The following ARSK variants were observed in gnomAD, a reference collection of about 807,000 sequenced individuals.
ARSK encodes the protein arylsulfatase K.
ARSK carries 37 observed loss-of-function variants against 53.2 expected under a neutral mutation model. The observed-to-expected ratio is 0.70, with a 90% CI of 0.54 to 0.92. The LOEUF (loss-of-function observed/expected upper bound fraction) is 0.92. Among genes scored for constraint, ARSK ranks in the 40% least tolerant of loss-of-function variants. The pLI is 0.00. For synonymous variants in ARSK, 208 were observed against 223.2 expected, an observed-to-expected ratio of 0.93 and a Z score of 0.61; for missense variants, 613 against 643.0, an observed-to-expected ratio of 0.95 and a Z score of 0.51.
At chr5:95,579,906 A>C (rs932769306) in intron 3 of ARSK, among the ~76,000 whole-genome samples, 14 of 152,194 alleles carry the variant, frequency 9.2e-5, no homozygotes, top group Non-Finnish European at 4.4e-5. Flanking sequence ...CTTCCACTGC[A>C]CACTGTGTGT....
At position 95,604,298 on chromosome 5, in the gene ARSK, G is replaced by A. The variant is rs929010832; in HGVS notation, c.*772G>A. 1 of 152,098 alleles carries A rather than the reference G, an allele frequency of 6.6e-6. No homozygotes were observed. The allele number at this position is 152,098 out of a possible 1,614,324, so 9.4% of individuals were successfully genotyped here. The stretch of plus-strand genomic sequence containing the variant: ...ATTTTGTTACTGTTTTATTTTAATA[G>A]GTAATATATATACAGGGTAAAAGCT... On this transcript the variant is annotated 3_prime_UTR_variant, in exon 8 of 8. Transcript: ENST00000380009.
chr5:95,602,652 C>T (rs1420472863), intron 7 of ARSK, among the ~76,000 whole-genome samples: 2 of 152,126 alleles, frequency 1.3e-5, no homozygotes, highest in Non-Finnish European at 2.9e-5. Flanking sequence ...TAAAAAGTAT[C>T]TTTATGGATC....
At chr5:95,563,854 TC>T (rs1748679409) in intron 1 of ARSK, among the ~76,000 whole-genome samples, 1 of 152,084 alleles carries the variant, frequency 6.6e-6, no homozygotes, top group African/African-American at 2.4e-5. Context: ...AATTGTTATC[TC>T]CCCATGTTCA....
At chr5:95,570,429 G>A (rs1365082442) in intron 3 of ARSK, among the ~76,000 whole-genome samples, 1 of 152,196 alleles carries the variant, frequency 6.6e-6, no homozygotes, top group Admixed American at 6.5e-5. Flanking sequence ...CATGTAGGAG[G>A]AGGAGCACAG....
At chr5:95,586,442 C>T in intron 4 of ARSK, 120 bp from the exon 5 acceptor site, 1 of 757,160 alleles carries the variant, frequency 1.3e-6, no homozygotes, top group Non-Finnish European at 2.2e-6. Context: ...TACATATTTA[C>T]ACTGTTCTTT....
intron 4 of ARSK, 58 bp from the exon 5 acceptor site, chr5:95,586,503 TG>T (rs1749114693): frequency 1.5e-6 from 2 of 1,300,086 alleles, no homozygotes; most frequent in African/African-American, 3.0e-5. Context: ...ACATACTTAT[TG>T]GAGGAAAGAA....
intron 1 of ARSK, among the ~76,000 whole-genome samples, chr5:95,565,136 C>CT (rs995848682): frequency 4.6e-5 from 7 of 152,162 alleles, no homozygotes; most frequent in Non-Finnish European, 8.8e-5. Context: ...CTGGAACATT[C>CT]TTTTTTCTGT....
chr5:95,586,832 C>A, intron 5 of ARSK, 99 bp downstream of exon 5: 1 of 1,036,342 alleles, frequency 9.6e-7, no homozygotes, highest in Non-Finnish European at 1.4e-6. Context: ...TACAAAGTTG[C>A]TTATAACTAT....
intron 6 of ARSK, among the ~76,000 whole-genome samples, chr5:95,592,013 A>G (rs545728481): frequency 6.6e-6 from 1 of 152,332 alleles, no homozygotes; most frequent in South Asian, 2.1e-4. Flanking sequence ...TAGTATGAAC[A>G]TATTCCTCCT....
At chr5:95,589,820 T>A (rs1294496912) in intron 5 of ARSK, among the ~76,000 whole-genome samples, 1 of 152,168 alleles carries the variant, frequency 6.6e-6, no homozygotes, top group Non-Finnish European at 1.5e-5. Flanking sequence ...GGTCAAATGG[T>A]GTTTCTGGTT....
Position 95,603,768 on chromosome 5 carries a change from C to T in ARSK, c.*242C>T, listed in dbSNP as rs544343035. The stretch of plus-strand genomic sequence containing the variant: ...ACTAAAAATACAAAAATTAGCTGGG[C>T]GCGGTGGTGCACACCTATAGTCTCA... On this transcript the variant is annotated 3_prime_UTR_variant, in exon 8 of 8. Coordinates refer to ENST00000380009, the MANE Select transcript of ARSK (RefSeq NM_198150.3). The T allele has an allele frequency of 1.2e-3, 299 of 242,742 alleles. 1 individual carries two copies. Among genetic ancestry groups the T allele is most frequent in the Admixed American group, 2.0e-3 (37 of 18,488 alleles). The allele number at this position is 242,742 out of a possible 1,614,324, so 15.0% of individuals were successfully genotyped here.
chr5:95,602,709 G>GT (rs1749423621), intron 7 of ARSK, among the ~76,000 whole-genome samples: 1 of 152,270 alleles, frequency 6.6e-6, no homozygotes, highest in Admixed American at 6.5e-5. Context: ...TGAGAAGTTT[G>GT]TATTTCCATG....
intron 6 of ARSK, among the ~76,000 whole-genome samples, chr5:95,594,952 G>A (rs1162500935): frequency 6.6e-6 from 1 of 152,004 alleles, no homozygotes; most frequent in Admixed American, 6.6e-5. Context: ...ATATTTCTTA[G>A]AAATGTGCAT....
chr5:95,585,496 G>T (rs1186641246), intron 4 of ARSK, among the ~76,000 whole-genome samples: 1 of 152,168 alleles, frequency 6.6e-6, no homozygotes, highest in Non-Finnish European at 1.5e-5. Flanking sequence ...CGTAAGAAAG[G>T]AATGAATCAT....
chr5:95,580,780 T>G (rs1749009295), intron 3 of ARSK: 2 of 427,968 alleles, frequency 4.7e-6, no homozygotes, highest in South Asian at 4.8e-5. Context: ...CATTAAACAG[T>G]GCTAAATGAT....
intron 4 of ARSK, 24 bp downstream of exon 4, chr5:95,583,222 T>C: frequency 6.8e-7 from 1 of 1,477,456 alleles, no homozygotes; most frequent in Non-Finnish European, 9.0e-7. Flanking sequence ...TTGTGTGTGC[T>C]CAAAAGTAGA....
chr5:95,566,146 T>C lies in ARSK; in HGVS notation c.256+19T>C. On this transcript the variant is annotated intron_variant, in intron 2 of 7. Transcript: ENST00000380009. ...CGCGCAGGTATGAACATCCTTAATA[T>C]GAATGGGAGAAAGTGGCTACACACT... is the stretch of plus-strand genomic sequence containing the variant. 1 of 1,609,624 alleles carries C rather than the reference T, an allele frequency of 6.2e-7. No individual in the cohort carries two copies. Among genetic ancestry groups the C allele is most frequent in the East Asian group, 2.2e-5 (1 of 44,744 alleles).
intron 6 of ARSK, among the ~76,000 whole-genome samples, chr5:95,596,289 A>C (rs1208628009): frequency 1.3e-5 from 2 of 152,186 alleles, no homozygotes; most frequent in Non-Finnish European, 2.9e-5. Context: ...AGGACTTCTT[A>C]TTTTGTTCTA....
chr5:95,555,106 CG>C lies in ARSK; in HGVS notation c.-172del. The C allele has an allele frequency of 4.0e-6, 2 of 501,100 alleles. No homozygotes were observed. The highest frequency in any genetic ancestry group is 7.1e-6 in the Non-Finnish European group (2 of 280,910). 31.0% of individuals were successfully genotyped at this position (501,100 alleles called of 1,614,324 possible). ...GGAATTTCTCTGTTGCGCATGTGCG[CG>C]CTCTCCGCCTGATAGGAGTTGTAGT... On this transcript the variant is annotated 5_prime_UTR_variant, in exon 1 of 8. Transcript: ENST00000380009. The surrounding 1 kb of genome is among the most constrained non-coding windows in gnomAD (Gnocchi z 4.0).
Sources: gnomAD v4.1 joint callset for allele counts (sites outside exome capture counted in the v4.1 genomes callset) on GRCh38, gnomAD v4.1.1 for gene constraint, Gnocchi (gnomAD v3.1) non-coding constraint, MANE v1.5 for transcripts, NCBI Gene and HGNC (gene_info 2026-07-23, HGNC 2026-07-21) for gene names.